Variants in NALF1 observed in about 807,000 individuals in gnomAD.
NALF1 encodes NALCN channel auxiliary factor 1, also known as family with sequence similarity 155 member A.
A neutral mutation model predicts 48.4 loss-of-function variants in NALF1; 3 were observed. The ratio of observed to expected loss-of-function variants is 0.06; its 90% CI spans 0.03 to 0.16. NALF1 has a LOEUF of 0.16. Ranked by LOEUF, NALF1 falls within the 10% of genes least tolerant of loss-of-function variation. NALF1 has a pLI of 1.00. For synonymous variants in NALF1, 262 were observed against 245.7 expected, an observed-to-expected ratio of 1.07 and a Z score of -0.62; for missense variants, 526 against 571.5, an observed-to-expected ratio of 0.92 and a Z score of 0.81.
intron 1 of NALF1, among the ~76,000 whole-genome samples, chr13:107,792,707 CT>C (rs1201338709): frequency 6.6e-6 from 1 of 152,114 alleles, no homozygotes; most frequent in Non-Finnish European, 1.5e-5. Context: ...GAGTGAAACA[CT>C]TATGTAACAG....
chr13:107,709,866 T>C (rs1356424224), intron 1 of NALF1, among the ~76,000 whole-genome samples: 3 of 152,228 alleles, frequency 2.0e-5, no homozygotes, highest in Non-Finnish European at 4.4e-5. Context: ...CCCACATTTA[T>C]GGTCTATTCC....
At chr13:107,563,626 C>T (rs1877708412) in intron 1 of NALF1, among the ~76,000 whole-genome samples, 1 of 152,206 alleles carries the variant, frequency 6.6e-6, no homozygotes, top group Non-Finnish European at 1.5e-5. Flanking sequence ...TCCCACAAAG[C>T]ACTAGTGTCC....
At chr13:107,416,256 C>T (rs4262818) in intron 1 of NALF1, among the ~76,000 whole-genome samples, 36,607 of 151,260 alleles carry the variant, frequency 0.24, 4,686 homozygotes, top group Admixed American at 0.29. Context: ...ACCTCGTGAT[C>T]TGCCTGCCTT....
chr13:107,735,902 A>C lies in NALF1; in HGVS notation c.915+129780T>G, dbSNP rs545354828. ...TCTTACTAAAGAATGAGAATTGTGC[A>C]TTCTTGAGCTTCTAACTATTTTTTT... On this transcript the variant is annotated intron_variant, in intron 1 of 2. Coordinates refer to ENST00000375915, the MANE Select transcript of NALF1 (RefSeq NM_001080396.3). Among the ~76,000 whole-genome samples, 5 of 152,280 alleles carry C rather than the reference A, an allele frequency of 3.3e-5. No individual in the cohort carries two copies. The South Asian group carries it at 1.0e-3, about 32-fold the overall frequency.
chr13:107,722,105 G>A lies in NALF1; in HGVS notation c.915+143577C>T, dbSNP rs115476962. On this transcript the variant is annotated intron_variant, in intron 1 of 2. Transcript: ENST00000375915. The stretch of plus-strand genomic sequence containing the variant: ...AATGACCTAAATCCAGAAAGGAGGA[G>A]GGAGGGAGAGAAAGGGGAGCAGGTT... 4.9e-3 allele frequency among the ~76,000 whole-genome samples: 747 copies of A among 152,222 alleles called. 7 individuals carry two copies. Among genetic ancestry groups the A allele is most frequent in the African/African-American group, 0.016 (656 of 41,546 alleles).
chr13:107,555,134 G>A (rs982488867), intron 1 of NALF1, among the ~76,000 whole-genome samples: 1 of 152,004 alleles, frequency 6.6e-6, no homozygotes, highest in Non-Finnish European at 1.5e-5. Context: ...TAAGCAGGCT[G>A]CTTAATTATA....
intron 1 of NALF1, among the ~76,000 whole-genome samples, chr13:107,650,671 C>T (rs143257822): frequency 2.0e-5 from 3 of 152,104 alleles, no homozygotes; most frequent in East Asian, 1.9e-4. Context: ...TCACAAATTA[C>T]TACTAAAGAA....
chr13:107,660,688 A>G (rs1038222473), intron 1 of NALF1, among the ~76,000 whole-genome samples: 5 of 152,128 alleles, frequency 3.3e-5, no homozygotes, highest in African/African-American at 1.2e-4. Flanking sequence ...GAGATACACT[A>G]TAATGATGAA....
intron 1 of NALF1, among the ~76,000 whole-genome samples, chr13:107,235,703 A>T (rs1880327710): frequency 6.6e-6 from 1 of 152,122 alleles, no homozygotes; most frequent in South Asian, 2.1e-4. Flanking sequence ...CAGATTTGGA[A>T]CCCATCGATA....
intron 1 of NALF1, among the ~76,000 whole-genome samples, chr13:107,838,749 C>T (rs1377206009): frequency 6.6e-6 from 1 of 152,148 alleles, no homozygotes; most frequent in African/African-American, 2.4e-5. Flanking sequence ...AAAAAAAATA[C>T]ATGCTGTTGG....
rs554025410 is a variant in NALF1, at chr13:107,473,249, G to A, written c.916-262494C>T. The stretch of plus-strand genomic sequence containing the variant: ...TAGATTCTTCAGCGCCAGGGTCCTG[G>A]AAAGTAACAACCATTTTACTCATCA... On this transcript the variant is annotated intron_variant, in intron 1 of 2. Transcript: ENST00000375915. Among the ~76,000 whole-genome samples, 946 of 151,908 alleles carry A rather than the reference G, an allele frequency of 6.2e-3. 10 individuals are homozygous for A. The highest frequency in any genetic ancestry group is 0.021 in the African/African-American group (881 of 41,404).
At position 107,801,520 on chromosome 13, in the gene NALF1, T is replaced by C. The variant is rs528305445; in HGVS notation, c.915+64162A>G. Among the ~76,000 whole-genome samples, 12 of 152,286 alleles carry C rather than the reference T, an allele frequency of 7.9e-5. No homozygotes were observed. The South Asian group carries it at 2.3e-3, about 29-fold the overall frequency. On this transcript the variant is annotated intron_variant, in intron 1 of 2. Transcript: ENST00000375915. The stretch of plus-strand genomic sequence containing the variant: ...AACGAAATTCAGTAAAAGGCAATAA[T>C]AATAAGACAGATGGTTTTGGTAGAG...
chr13:107,673,501 C>T (rs950876893), intron 1 of NALF1, among the ~76,000 whole-genome samples: 1 of 152,066 alleles, frequency 6.6e-6, no homozygotes, highest in African/African-American at 2.4e-5. Context: ...AATCCATGAG[C>T]TCAGATCATA....
At chr13:107,382,998 A>G (rs1883467555) in intron 1 of NALF1, among the ~76,000 whole-genome samples, 1 of 152,166 alleles carries the variant, frequency 6.6e-6, no homozygotes, top group Admixed American at 6.5e-5. Flanking sequence ...AGCAGTGAGA[A>G]CTGAAAGACA....
intron 1 of NALF1, among the ~76,000 whole-genome samples, chr13:107,476,083 G>A (rs1163424993): frequency 1.3e-5 from 2 of 152,086 alleles, no homozygotes; most frequent in Non-Finnish European, 2.9e-5. Flanking sequence ...TGGGTGACAG[G>A]TTTAGATCTT....
Position 107,187,833 on chromosome 13 carries a change from C to T in NALF1, c.1088-17047G>A, listed in dbSNP as rs551883315. On this transcript the variant is annotated intron_variant, in intron 2 of 2. Coordinates refer to ENST00000375915, the MANE Select transcript of NALF1 (RefSeq NM_001080396.3). ...GAAGATTCTCAACTCTGGCCTCTGT[C>T]TTTTCTCTCATATACTTTTTTATTT... Among the ~76,000 whole-genome samples, 147 of 152,262 alleles carry T rather than the reference C, an allele frequency of 9.7e-4. 1 individual carries two copies. The highest frequency in any genetic ancestry group is 3.4e-3 in the African/African-American group (142 of 41,552).
chr13:107,673,795 T>C (rs1248223682), intron 1 of NALF1, among the ~76,000 whole-genome samples: 1 of 152,138 alleles, frequency 6.6e-6, no homozygotes, highest in African/African-American at 2.4e-5. Flanking sequence ...CATAAATATT[T>C]ATAATTACTA....
chr13:107,336,657 A>G (rs1337749082), intron 1 of NALF1, among the ~76,000 whole-genome samples: 3 of 152,148 alleles, frequency 2.0e-5, no homozygotes, highest in African/African-American at 7.2e-5. Flanking sequence ...ATGGGATCTG[A>G]ATGTTAATTT....
chr13:107,516,010 A>G (rs564311588), intron 1 of NALF1, among the ~76,000 whole-genome samples: 1 of 152,240 alleles, frequency 6.6e-6, no homozygotes. Flanking sequence ...ATGTGATAAC[A>G]GAGTGACCCA....
Sources: gnomAD v4.1 joint callset for allele counts (sites outside exome capture counted in the v4.1 genomes callset) on GRCh38, gnomAD v4.1.1 for gene constraint, MANE v1.5 for transcripts, NCBI Gene and HGNC (gene_info 2026-07-23, HGNC 2026-07-21) for gene names.